The following CNTN5 variants were observed in gnomAD, a reference collection of about 807,000 sequenced individuals.
CNTN5 encodes the protein contactin 5, also known as contactin-5.
CNTN5 carries 77 observed loss-of-function variants against 129.1 expected under a neutral mutation model. The observed-to-expected ratio is 0.60, with a 90% confidence interval of 0.50 to 0.72. The LOEUF is 0.72. CNTN5 is among the 30% of genes least tolerant of loss of function. The probability of loss-of-function intolerance (pLI) is 0.00; values close to 1 mark genes in which losing one functional copy is unlikely to be tolerated. For missense variants in CNTN5, 1,478 were observed against 1,328.8 expected (o/e 1.11, Z -1.75); for synonymous variants, 509 against 465.6 (o/e 1.09, Z -1.20).
chr11:99,544,315 A>C (rs1040400166), intron 2 of CNTN5, among the ~76,000 whole-genome samples: 3 of 152,218 alleles, frequency 2.0e-5, no homozygotes, highest in African/African-American at 7.2e-5. Flanking sequence ...ATTACAACTC[A>C]ACATGAGATT....
At chr11:100,123,751 A>C (rs190231626) in intron 13 of CNTN5, among the ~76,000 whole-genome samples, 31 of 152,148 alleles carry the variant, frequency 2.0e-4, no homozygotes, top group African/African-American at 7.2e-4. Context: ...ACTATAATGC[A>C]ATTAAATGGG....
chr11:100,148,416 C>T (rs1485838517), intron 13 of CNTN5, among the ~76,000 whole-genome samples: 3 of 152,184 alleles, frequency 2.0e-5, no homozygotes, highest in Non-Finnish European at 4.4e-5. Context: ...GACAAATAGC[C>T]ATAGCCTCTT....
intron 13 of CNTN5, among the ~76,000 whole-genome samples, chr11:100,074,734 C>A (rs1162583314): frequency 6.6e-6 from 1 of 152,064 alleles, no homozygotes. Flanking sequence ...CAATGCTTGT[C>A]TTTTTATCCA....
intron 1 of CNTN5, among the ~76,000 whole-genome samples, chr11:99,093,705 C>A (rs1866347721): frequency 6.6e-6 from 1 of 151,924 alleles, no homozygotes; most frequent in Admixed American, 6.6e-5. Context: ...TTTGTAATAA[C>A]CACCCCTGAG....
In CNTN5 at chr11:100,202,539, A is replaced by G. The variant is rs555794350; in HGVS notation, c.1884+8876A>G. On this transcript the variant is annotated intron_variant, in intron 15 of 24. Transcript: ENST00000524871. The stretch of plus-strand genomic sequence containing the variant: ...ACATATTTCTATTAAATATAGATAT[A>G]TATTTATATTTATATATTTATATTA... Among the ~76,000 whole-genome samples, 149 of 149,166 alleles carry G rather than the reference A, an allele frequency of 1.0e-3. 1 individual carries two copies. Among genetic ancestry groups the G allele is most frequent in the Middle Eastern group, 7.1e-3 (2 of 280 alleles).
At chr11:99,735,024 C>CAAA in intron 3 of CNTN5, among the ~76,000 whole-genome samples, 1 of 147,488 alleles carries the variant, frequency 6.8e-6, no homozygotes, top group South Asian at 2.1e-4. Context: ...AAAACAAAAA[C>CAAA]AAAAGTTCTG....
At chr11:99,969,252 A>T (rs982205228) in intron 8 of CNTN5, among the ~76,000 whole-genome samples, 14 of 152,268 alleles carry the variant, frequency 9.2e-5, no homozygotes, top group Middle Eastern at 6.8e-3. Flanking sequence ...TGCTAAATAT[A>T]TATCTAACTT....
chr11:99,568,894 C>A (rs1221475137), intron 3 of CNTN5, among the ~76,000 whole-genome samples: 2 of 152,108 alleles, frequency 1.3e-5, no homozygotes, highest in Admixed American at 1.3e-4. Flanking sequence ...AGACATCAAC[C>A]AGAAGATTTT....
intron 1 of CNTN5, among the ~76,000 whole-genome samples, chr11:99,172,920 C>A (rs898175374): frequency 6.6e-6 from 1 of 152,258 alleles, no homozygotes; most frequent in South Asian, 2.1e-4. Flanking sequence ...TAAAGATATA[C>A]CCGAGATTGG....
chr11:99,114,383 G>A (rs10892780), intron 1 of CNTN5, among the ~76,000 whole-genome samples: 71,020 of 151,578 alleles, frequency 0.47, 16,856 homozygotes, highest in East Asian at 0.61. Flanking sequence ...GAAATGCTCA[G>A]AGGTCTTCTT....
intron 1 of CNTN5, among the ~76,000 whole-genome samples, chr11:99,047,200 A>G (rs1414919800): frequency 6.6e-6 from 1 of 151,920 alleles, no homozygotes; most frequent in Non-Finnish European, 1.5e-5. Flanking sequence ...TATATTTGAA[A>G]CCAAAAAGTA....
chr11:100,294,871 C>T (rs1460766255), intron 18 of CNTN5, among the ~76,000 whole-genome samples: 1 of 151,558 alleles, frequency 6.6e-6, no homozygotes, highest in African/African-American at 2.4e-5. Context: ...GAGATAATAA[C>T]TGTGTGCCAC....
chr11:100,260,044 C>A (rs1304042631), intron 17 of CNTN5, among the ~76,000 whole-genome samples: 1 of 152,042 alleles, frequency 6.6e-6, no homozygotes, highest in African/African-American at 2.4e-5. Flanking sequence ...AGATAAACCA[C>A]TAGCCAGACT....
intron 3 of CNTN5, among the ~76,000 whole-genome samples, chr11:99,693,159 T>C (rs2134800821): frequency 6.6e-6 from 1 of 152,260 alleles, no homozygotes; most frequent in South Asian, 2.1e-4. Flanking sequence ...AATGTAGTCT[T>C]CAAAGAAAAA....
intron 6 of CNTN5, among the ~76,000 whole-genome samples, chr11:99,873,651 A>G (rs1362779143): frequency 6.6e-6 from 1 of 152,138 alleles, no homozygotes; most frequent in Non-Finnish European, 1.5e-5. Flanking sequence ...AACAGTATGG[A>G]GATACCTCAA....
intron 16 of CNTN5, among the ~76,000 whole-genome samples, chr11:100,230,487 C>G (rs1949466000): frequency 6.6e-6 from 1 of 152,116 alleles, no homozygotes; most frequent in Non-Finnish European, 1.5e-5. Flanking sequence ...ATTTTTTTGT[C>G]AGTCAGATGT....
intron 1 of CNTN5, among the ~76,000 whole-genome samples, chr11:99,225,145 A>G (rs1322883604): frequency 6.6e-6 from 1 of 152,208 alleles, no homozygotes; most frequent in African/African-American, 2.4e-5. Context: ...ATAAAAAATG[A>G]AAGAGGTGTT....
intron 14 of CNTN5, among the ~76,000 whole-genome samples, chr11:100,193,111 C>T (rs1335464353): frequency 4.6e-5 from 7 of 151,828 alleles, no homozygotes; most frequent in African/African-American, 1.7e-4. Context: ...AACACATAAC[C>T]TTTTTATTGT....
At chr11:99,558,363 A>T (rs1194502288) in intron 3 of CNTN5, 1 of 319,122 alleles carries the variant, frequency 3.1e-6, no homozygotes, top group Non-Finnish European at 6.3e-6. Flanking sequence ...TTCAAAAGAA[A>T]GTTTTGTGTG....
Sources: allele counts gnomAD v4.1 joint callset (sites outside exome capture counted in the v4.1 genomes callset), GRCh38; gene constraint gnomAD v4.1.1; transcripts MANE v1.5; gene names NCBI Gene and HGNC (gene_info 2026-07-23, HGNC 2026-07-21).